The following THSD7B variants were observed in gnomAD, a reference collection of about 807,000 sequenced individuals.
THSD7B encodes thrombospondin type 1 domain containing 7B.
In THSD7B, 138 loss-of-function variants were observed where a neutral mutation model predicts 213.6. The ratio of observed to expected loss-of-function variants is 0.65; its 90% CI spans 0.56 to 0.74. THSD7B has a LOEUF of 0.74. Among genes scored for constraint, THSD7B ranks in the 30% least tolerant of loss-of-function variants. The pLI is 0.00. For synonymous variants in THSD7B, 742 were observed against 687.0 expected, an observed-to-expected ratio of 1.08 and a Z score of -1.25; for missense variants, 1,931 against 1,991.5, an observed-to-expected ratio of 0.97 and a Z score of 0.58.
intron 12 of THSD7B, among the ~76,000 whole-genome samples, chr2:137,283,878 T>C (rs1239636541): frequency 6.6e-6 from 1 of 152,164 alleles, no homozygotes; most frequent in Admixed American, 6.5e-5. Flanking sequence ...GTTGTATCTC[T>C]TCCCAGCTTT....
chr2:137,285,064 C>T (rs1057026358), intron 12 of THSD7B, among the ~76,000 whole-genome samples: 1 of 152,104 alleles, frequency 6.6e-6, no homozygotes. Context: ...TAAGGACTTG[C>T]TTTATGAATC....
rs73958335 is a variant in THSD7B at position 137,099,413 on chromosome 2, G to T, written c.1199+4292G>T. ...GATGGGGTAAAGAAAGACAAAGAAC[G>T]TAGAGCTGTAATAGTGTAAATGCTT... On this transcript the variant is annotated intron_variant, in intron 4 of 27. Transcript: ENST00000409968. Among the ~76,000 whole-genome samples the T allele has an allele frequency of 9.8e-3, 1,497 of 152,286 alleles. 20 individuals are homozygous for T. Among genetic ancestry groups the T allele is most frequent in the African/African-American group, 0.034 (1,402 of 41,562 alleles).
At chr2:137,183,639 T>C (rs1334028504) in intron 7 of THSD7B, among the ~76,000 whole-genome samples, 2 of 152,114 alleles carry the variant, frequency 1.3e-5, no homozygotes, top group Non-Finnish European at 2.9e-5. Flanking sequence ...AATCCTGGCA[T>C]ATCCCTCTGG....
At chr2:136,937,159 G>A (rs752481136) in intron 2 of THSD7B, among the ~76,000 whole-genome samples, 2 of 151,814 alleles carry the variant, frequency 1.3e-5, no homozygotes, top group African/African-American at 4.8e-5. Context: ...ATCGACTTTC[G>A]ATATCCTCCT....
At chr2:136,965,983 G>A (rs1423279278) in intron 2 of THSD7B, among the ~76,000 whole-genome samples, 2 of 152,022 alleles carry the variant, frequency 1.3e-5, no homozygotes, top group African/African-American at 4.8e-5. Context: ...TATTTTTCCT[G>A]AGTAAATGCT....
intron 2 of THSD7B, among the ~76,000 whole-genome samples, chr2:136,924,366 C>G (rs1050171714): frequency 4.0e-5 from 6 of 151,284 alleles, no homozygotes; most frequent in Non-Finnish European, 7.4e-5. Flanking sequence ...TATATTCTTA[C>G]TTTTTGGTGT....
At chr2:137,122,589 A>G (rs1688563683) in intron 5 of THSD7B, among the ~76,000 whole-genome samples, 1 of 152,132 alleles carries the variant, frequency 6.6e-6, no homozygotes. Context: ...GTAGAGAGAT[A>G]GAATTGTAGG....
chr2:137,546,008 G>A lies in THSD7B; in HGVS notation c.3139-17213G>A, dbSNP rs150145033. On this transcript the variant is annotated intron_variant, in intron 15 of 27. Coordinates refer to ENST00000409968, the MANE Select transcript of THSD7B (RefSeq NM_001316349.2). ...ATCCTTTATTGGGATAGGAAAGTGG[G>A]GTAATATTGTCTTATTACTGTCATC... Among the ~76,000 whole-genome samples, 22 of 150,834 alleles carry A rather than the reference G, an allele frequency of 1.5e-4. No homozygotes were observed. The East Asian group carries it at 4.2e-3, about 28-fold the overall frequency.
intron 15 of THSD7B, among the ~76,000 whole-genome samples, chr2:137,518,319 C>A (rs1415046230): frequency 1.3e-5 from 2 of 152,152 alleles, no homozygotes; most frequent in African/African-American, 4.8e-5. Flanking sequence ...TCCAGGACAT[C>A]CCTGAAGGAC....
chr2:137,557,441 G>C (rs1681000509), intron 15 of THSD7B, among the ~76,000 whole-genome samples: 2 of 152,146 alleles, frequency 1.3e-5, no homozygotes, highest in African/African-American at 4.8e-5. Context: ...CCTGGAAACT[G>C]AACAACCTGC....
intron 14 of THSD7B, among the ~76,000 whole-genome samples, chr2:137,412,246 G>C (rs925069101): frequency 3.3e-5 from 5 of 150,522 alleles, no homozygotes; most frequent in Admixed American, 1.3e-4. Context: ...ATCAGAACTT[G>C]AGTGTCTTCT....
At position 137,004,296 on chromosome 2, in the gene THSD7B, TACACACACACACAC is replaced by T. The variant is rs34674642; in HGVS notation, c.140-52086_140-52073del. 6.1e-3 allele frequency among the ~76,000 whole-genome samples: 800 copies of T among 131,586 alleles called. 2 individuals are homozygous for T. Among genetic ancestry groups the T allele is most frequent in the Non-Finnish European group, 7.8e-3 (488 of 62,796 alleles). The allele number at this position is 131,586 out of a possible 152,430, so 86.3% of individuals were successfully genotyped here. A position where few individuals can be genotyped will look rare whatever the true frequency, so the allele number is the denominator to read the frequency against. ...CCGTGACCCAGTGTGTGTGCACACG[TACACACACACACAC>T]ACACACACACACACACACACACACA... On this transcript the variant is annotated intron_variant, in intron 2 of 27. Transcript: ENST00000409968.
chr2:137,341,943 T>C (rs928963469), intron 12 of THSD7B, among the ~76,000 whole-genome samples: 1 of 151,654 alleles, frequency 6.6e-6, no homozygotes, highest in African/African-American at 2.4e-5. Context: ...TTTGTTTTTT[T>C]ATCATGATTG....
At chr2:136,965,900 G>T (rs1356761413) in intron 2 of THSD7B, among the ~76,000 whole-genome samples, 2 of 152,004 alleles carry the variant, frequency 1.3e-5, no homozygotes, top group African/African-American at 2.4e-5. Context: ...AAATTCATTA[G>T]GAATCTTTTC....
chr2:136,801,170 A>G (rs543074068), intron 1 of THSD7B, among the ~76,000 whole-genome samples: 117 of 152,246 alleles, frequency 7.7e-4, no homozygotes, highest in African/African-American at 2.7e-3. Flanking sequence ...AACTTGCAGC[A>G]TAATTGGCTG....
At chr2:137,131,866 CT>C (rs1222690061) in intron 5 of THSD7B, among the ~76,000 whole-genome samples, 1 of 152,170 alleles carries the variant, frequency 6.6e-6, no homozygotes, top group South Asian at 2.1e-4. Context: ...AATGTGGGCT[CT>C]TTTTTGGTTC....
intron 2 of THSD7B, among the ~76,000 whole-genome samples, chr2:137,046,645 A>G (rs140959076): frequency 0.027 from 4,063 of 148,544 alleles, 146 homozygotes; most frequent in African/African-American, 0.083. Context: ...CAGGAGAATC[A>G]TTTGAACCTG....
intron 15 of THSD7B, among the ~76,000 whole-genome samples, chr2:137,522,500 G>A (rs903063698): frequency 1.3e-5 from 2 of 151,978 alleles, no homozygotes; most frequent in African/African-American, 4.8e-5. Context: ...TGAATTGCTG[G>A]TGAGGGAAAG....
At chr2:136,898,879 G>A (rs890364315) in intron 2 of THSD7B, among the ~76,000 whole-genome samples, 1 of 151,920 alleles carries the variant, frequency 6.6e-6, no homozygotes, top group African/African-American at 2.4e-5. Flanking sequence ...CTGACCTCGT[G>A]ATCTGCCCAC....
Sources: gnomAD v4.1 joint callset for allele counts (sites outside exome capture counted in the v4.1 genomes callset) on GRCh38, gnomAD v4.1.1 for gene constraint, MANE v1.5 for transcripts, NCBI Gene and HGNC (gene_info 2026-07-23, HGNC 2026-07-21) for gene names.